Variants in CSMD2 observed in about 807,000 individuals in gnomAD.
CSMD2 encodes the protein CUB and Sushi multiple domains 2.
A neutral mutation model predicts 398.5 loss-of-function variants in CSMD2; 130 were observed. That is an observed-to-expected ratio of 0.33 (90% CI 0.28 to 0.38). The LOEUF (loss-of-function observed/expected upper bound fraction) is 0.38, where lower values mean the gene tolerates loss of function less well. CSMD2 is among the 10% of genes least tolerant of loss of function. The pLI, the probability that CSMD2 is intolerant of heterozygous loss-of-function variation, is 1.00. For missense variants in CSMD2, 3,829 were observed against 4,764.9 expected (o/e 0.80, Z 5.78); for synonymous variants, 1,828 against 1,908.5 (o/e 0.96, Z 1.10).
Position 33,626,575 on chromosome 1 carries a change from G to C in CSMD2, c.5207C>G (p.Ser1736Ter). The change falls in exon 33 of 71, where the codon TCA (serine) becomes TGA (stop). Residue 1736 changes from serine to a stop codon, truncating the protein, a stop_gained. Transcript: ENST00000373381. LOFTEE classifies it high-confidence loss of function. Reference protein sequence around the residue: ...SSLSGSHTGESLPLATSNQVL... With the variant: ...SSLSGSHTGE The stretch of plus-strand genomic sequence containing the variant: ...TTGATTGGAGGTGGCCAAGGGCAGT[G>C]ATTCTCCTGCCGAGATAAGGGGCAA... 6.3e-7 allele frequency: 1 copy of C among 1,598,730 alleles called. No homozygotes were observed. Among genetic ancestry groups the C allele is most frequent in the Non-Finnish European group, 8.5e-7 (1 of 1,173,132 alleles).
intron 5 of CSMD2, among the ~76,000 whole-genome samples, chr1:33,869,750 G>A (rs1169552703): frequency 6.6e-6 from 1 of 152,170 alleles, no homozygotes; most frequent in Non-Finnish European, 1.5e-5. Context: ...GGGTTTGGGA[G>A]GAGGAGCAGA....
intron 19 of CSMD2, among the ~76,000 whole-genome samples, chr1:33,721,106 T>C (rs1193095439): frequency 1.3e-5 from 2 of 152,224 alleles, no homozygotes; most frequent in Non-Finnish European, 2.9e-5. Context: ...TTGTTGATTC[T>C]CTGCTGAGCA....
At chr1:33,758,129 C>T (rs1003216758) in intron 13 of CSMD2, among the ~76,000 whole-genome samples, 7 of 152,192 alleles carry the variant, frequency 4.6e-5, no homozygotes, top group African/African-American at 1.7e-4. Flanking sequence ...TTTCCACTCT[C>T]CCCACCCTCC....
At chr1:33,990,313 T>C (rs1477576889) in intron 3 of CSMD2, among the ~76,000 whole-genome samples, 1 of 151,978 alleles carries the variant, frequency 6.6e-6, no homozygotes, top group Non-Finnish European at 1.5e-5. Context: ...AGTGATAGGA[T>C]GTAGTAGTAA....
At chr1:33,989,049 T>C (rs1484439718) in intron 3 of CSMD2, among the ~76,000 whole-genome samples, 4 of 53,608 alleles carry the variant, frequency 7.5e-5, no homozygotes, top group African/African-American at 1.1e-4. Flanking sequence ...TATATATATA[T>C]ATATATATAT....
At chr1:33,964,600 G>A (rs1645491935) in intron 3 of CSMD2, among the ~76,000 whole-genome samples, 1 of 152,176 alleles carries the variant, frequency 6.6e-6, no homozygotes, top group Non-Finnish European at 1.5e-5. Flanking sequence ...CAAGACTTCT[G>A]CTTTTTTGTT....
chr1:33,902,821 C>T (rs1299879764), intron 5 of CSMD2, among the ~76,000 whole-genome samples: 1 of 152,164 alleles, frequency 6.6e-6, no homozygotes, highest in African/African-American at 2.4e-5. Context: ...AGTGGGAAGC[C>T]TGTTCATCAC....
upstream of CSMD2, chr1:34,165,410 T>C (rs1641798728): frequency 4.8e-6 from 4 of 826,278 alleles, no homozygotes; most frequent in Admixed American, 1.2e-4. Context: ...CAGCTAAGGA[T>C]AAAATATTGG....
At chr1:33,947,575 G>C (rs755971288) in intron 3 of CSMD2, among the ~76,000 whole-genome samples, 2 of 152,166 alleles carry the variant, frequency 1.3e-5, no homozygotes, top group Non-Finnish European at 2.9e-5. Context: ...CAAGGCTCCA[G>C]ACCCACGGCC....
intron 24 of CSMD2, among the ~76,000 whole-genome samples, chr1:33,697,046 G>A (rs550940938): frequency 6.6e-5 from 10 of 152,202 alleles, no homozygotes; most frequent in Admixed American, 3.3e-4. Flanking sequence ...AGGCCTCCAA[G>A]GTTCTAGTGT....
intron 3 of CSMD2, among the ~76,000 whole-genome samples, chr1:33,956,720 A>C (rs1645180976): frequency 6.6e-6 from 1 of 152,066 alleles, no homozygotes; most frequent in South Asian, 2.1e-4. Context: ...CCGTGGCCCA[A>C]GCCCCAGTCT....
chr1:34,025,896 T>C (rs1008912175), intron 3 of CSMD2, among the ~76,000 whole-genome samples: 1 of 152,154 alleles, frequency 6.6e-6, no homozygotes, highest in Middle Eastern at 3.2e-3. Flanking sequence ...CACGAACAGC[T>C]GGATTAAGGA....
rs367835057 is a variant in CSMD2, at chr1:33,542,819, T to C, written c.9178A>G (p.Ile3060Val). 1.9e-6 allele frequency: 3 copies of C among 1,614,000 alleles called. No individual in the cohort carries two copies. The highest frequency in any genetic ancestry group is 1.1e-5 in the South Asian group (1 of 91,078). ...TATCCTTCCCGGCACTCATAGACGA[T>C]AGAGCTGGAGAAAACCAGGCCATCA... ...FSDGLVFSSS[I>V]VYECREGYYA... The change falls in exon 58 of 71, where the codon ATC (isoleucine) becomes GTC (valine). Residue 3060 changes from isoleucine to valine, a missense_variant. This residue lies in a region of CSMD2 where 917 missense variants were observed against 1,199.5 expected (regional missense o/e 0.76). Transcript: ENST00000373381.
chr1:33,780,497 A>G (rs1405633903), intron 12 of CSMD2, among the ~76,000 whole-genome samples: 2 of 152,108 alleles, frequency 1.3e-5, no homozygotes, highest in Non-Finnish European at 2.9e-5. Context: ...CCTCTATAAC[A>G]CTGTCATGGG....
At chr1:34,073,443 T>C in intron 2 of CSMD2, among the ~76,000 whole-genome samples, 1 of 152,176 alleles carries the variant, frequency 6.6e-6, no homozygotes, top group East Asian at 1.9e-4. Flanking sequence ...TCATGGGCAG[T>C]TTAATGAATC....
intron 13 of CSMD2, among the ~76,000 whole-genome samples, chr1:33,769,351 G>C (rs1486264338): frequency 6.6e-6 from 1 of 152,220 alleles, no homozygotes; most frequent in Admixed American, 6.5e-5. Context: ...TCAGCACAGG[G>C]AAGACAGGCA....
intron 56 of CSMD2, among the ~76,000 whole-genome samples, chr1:33,546,527 C>A (rs901502419): frequency 2.0e-5 from 3 of 152,096 alleles, no homozygotes; most frequent in African/African-American, 7.2e-5. Context: ...CCTCCTTCTC[C>A]CCTTCCCCTC....
At chr1:33,879,689 G>A (rs1641099000) in intron 5 of CSMD2, among the ~76,000 whole-genome samples, 1 of 152,140 alleles carries the variant, frequency 6.6e-6, no homozygotes, top group Non-Finnish European at 1.5e-5. Context: ...ATGAGCATTG[G>A]TTTTAGATGA....
chr1:33,601,543 A>G (rs1429665443), intron 43 of CSMD2, among the ~76,000 whole-genome samples: 1 of 152,218 alleles, frequency 6.6e-6, no homozygotes, highest in Non-Finnish European at 1.5e-5. Flanking sequence ...GTCTGGTTAC[A>G]GTTATCCAAG....
Sources: allele counts gnomAD v4.1 joint callset (sites outside exome capture counted in the v4.1 genomes callset), GRCh38; gene constraint gnomAD v4.1.1; regional missense constraint gnomAD v4.1.1; transcripts MANE v1.5; gene names NCBI Gene and HGNC (gene_info 2026-07-23, HGNC 2026-07-21).